The following COL4A5 variants were observed in gnomAD, a reference collection of about 807,000 sequenced individuals.
COL4A5 encodes collagen type IV alpha 5 chain.
A neutral mutation model predicts 130.2 loss-of-function variants in COL4A5; 26 were observed. That is an observed-to-expected ratio of 0.20 (90% CI 0.15 to 0.28). The LOEUF (loss-of-function observed/expected upper bound fraction) is 0.28. COL4A5 is among the 10% of genes least tolerant of loss of function. The pLI is 1.00. For synonymous variants in COL4A5, 496 were observed against 439.6 expected (o/e 1.13, Z -1.60); for missense variants, 1,131 against 1,344.3 (o/e 0.84, Z 2.48).
chrX:108,502,505 G>A (rs1383695202), intron 1 of COL4A5, among the ~76,000 whole-genome samples: 1 of 110,348 alleles, frequency 9.1e-6, no homozygotes, highest in Non-Finnish European at 1.9e-5. Context: ...GGCTATTCTC[G>A]AACTCCCGAC....
intron 36 of COL4A5, among the ~76,000 whole-genome samples, chrX:108,642,490 C>T (rs187577132): frequency 9.8e-4 from 109 of 110,899 alleles, no homozygotes; most frequent in African/African-American, 3.2e-3. Flanking sequence ...TACATTTCAC[C>T]CCCTGCCACC....
At chrX:108,563,712 A>T (rs2065929835) in intron 3 of COL4A5, among the ~76,000 whole-genome samples, 170 bp from the exon 4 acceptor site, 1 of 111,541 alleles carries the variant, frequency 9.0e-6, no homozygotes, top group Non-Finnish European at 1.9e-5. Context: ...CATACAATTT[A>T]CCTCAGTGCT....
intron 40 of COL4A5, 118 bp downstream of exon 40, chrX:108,667,301 A>G (rs1166571940): frequency 3.1e-6 from 2 of 646,300 alleles, no homozygotes; most frequent in Non-Finnish European, 4.9e-6. Flanking sequence ...AACCCAGAAA[A>G]CTCAAACCTA....
chrX:108,542,420 C>T (rs889262956), intron 2 of COL4A5, among the ~76,000 whole-genome samples: 5 of 110,823 alleles, frequency 4.5e-5, no homozygotes, highest in Non-Finnish European at 9.4e-5. Context: ...ATCCATGTCC[C>T]TACAAAGGAC....
At chrX:108,623,623 C>G (rs1484620788) in intron 33 of COL4A5, among the ~76,000 whole-genome samples, 2 of 111,481 alleles carry the variant, frequency 1.8e-5, no homozygotes, top group Admixed American at 9.5e-5. Flanking sequence ...AAGTTTGTGG[C>G]TCTTTGTACG....
At chrX:108,670,022 T>C (rs2068167743) in intron 41 of COL4A5, 4 of 412,651 alleles carry the variant, frequency 9.7e-6, no homozygotes, top group South Asian at 8.6e-5. Flanking sequence ...GTTTTCATTT[T>C]AGTTTTGTCA....
At position 108,517,702 on chromosome X, in the gene COL4A5, A is replaced by G. The variant is rs1304524677; in HGVS notation, c.82-22044A>G. 2.7e-5 allele frequency among the ~76,000 whole-genome samples: 3 copies of G among 111,896 alleles called. No individual in the cohort carries two copies. The East Asian group carries it at 8.3e-4, about 31-fold the overall frequency. ...GTTTATTTTCCAATTTAGATGATTA[A>G]CAGATACAAATAGTTATTTCCTTCA... On this transcript the variant is annotated intron_variant, in intron 1 of 52. Transcript: ENST00000328300.
chrX:108,542,946 G>C (rs1401497013), intron 2 of COL4A5, among the ~76,000 whole-genome samples: 4 of 108,698 alleles, frequency 3.7e-5, no homozygotes, highest in African/African-American at 6.8e-5. Context: ...CCCACTTTTT[G>C]ATGGGGTTGT....
In COL4A5 at chrX:108,624,163, G is replaced by T. The variant is rs1019419978; in HGVS notation, c.2918-73G>T. The T allele has an allele frequency of 6.1e-6, 5 of 825,453 alleles. No individual in the cohort carries two copies. The African/African-American group carries it at 1.0e-4, about 16-fold the overall frequency. The allele number at this position is 825,453 out of a possible 1,213,427, so 68.0% of individuals were successfully genotyped here. A position where few individuals can be genotyped will look rare whatever the true frequency, so the allele number is the denominator to read the frequency against. ...TCACTTATAGTTTAACACTTGAGTA[G>T]CTTGCTTTGCCAAAGTTATTTCATG... On this transcript the variant is annotated intron_variant, in intron 33 of 52. Coordinates refer to ENST00000328300, the MANE Select transcript of COL4A5 (RefSeq NM_033380.3).
At position 108,618,521 on chromosome X, in the gene COL4A5, A is replaced by G. The variant is rs1314456515; in HGVS notation, c.2510-1738A>G. 7.1e-5 allele frequency among the ~76,000 whole-genome samples: 8 copies of G among 111,972 alleles called. No individual in the cohort carries two copies. The South Asian group carries it at 3.0e-3, about 41-fold the overall frequency. On this transcript the variant is annotated intron_variant, in intron 30 of 52. Transcript: ENST00000328300. Reference sequence around the variant, plus strand: ...AAAAGCTGACCTTTACCAAAAGGTAATACTTTTGTGAATGTAAATATTTTA... The same window carrying G: ...AAAAGCTGACCTTTACCAAAAGGTAGTACTTTTGTGAATGTAAATATTTTA...
chrX:108,527,092 C>T lies in COL4A5; in HGVS notation c.82-12654C>T, dbSNP rs189699734. Among the ~76,000 whole-genome samples, 149 of 110,455 alleles carry T rather than the reference C, an allele frequency of 1.3e-3. 1 individual carries two copies. The highest frequency in any genetic ancestry group is 4.8e-3 in the African/African-American group (147 of 30,366). ...GCTGGCATTGACTTTTTGAAGAGTC[C>T]GTGCTAGTTGTTTTTTATAATGTAC... On this transcript the variant is annotated intron_variant, in intron 1 of 52. Transcript: ENST00000328300.
At chrX:108,493,247 G>T (rs1177921828) in intron 1 of COL4A5, among the ~76,000 whole-genome samples, 3 of 111,655 alleles carry the variant, frequency 2.7e-5, no homozygotes, top group African/African-American at 9.7e-5. Flanking sequence ...CTGTTTTAGA[G>T]ATTTCATTCA....
intron 30 of COL4A5, among the ~76,000 whole-genome samples, chrX:108,615,857 A>G (rs1012934718): frequency 2.7e-5 from 3 of 112,373 alleles, no homozygotes; most frequent in African/African-American, 9.7e-5. Context: ...AGGCTTAAAC[A>G]CAGAGTTCAG....
At chrX:108,606,186 A>G (rs1206542781) in intron 28 of COL4A5, among the ~76,000 whole-genome samples, 1 of 112,075 alleles carries the variant, frequency 8.9e-6, no homozygotes, top group African/African-American at 3.2e-5. Flanking sequence ...TGAAAATAAA[A>G]GTAAAATGAA....
chrX:108,675,957 A>G (rs1042139255), intron 43 of COL4A5, among the ~76,000 whole-genome samples: 1 of 111,589 alleles, frequency 9.0e-6, no homozygotes, highest in Non-Finnish European at 1.9e-5. Flanking sequence ...AGCCAAGGAG[A>G]TTAATAATCT....
chrX:108,486,092 G>A (rs1270009312), intron 1 of COL4A5, among the ~76,000 whole-genome samples: 5 of 111,342 alleles, frequency 4.5e-5, no homozygotes, highest in Non-Finnish European at 9.4e-5. Flanking sequence ...TGACAGGGCA[G>A]CATTGAATTC....
At chrX:108,686,150 T>A (rs373793270) in intron 48 of COL4A5, 21 bp downstream of exon 48, 3 of 1,160,136 alleles carry the variant, frequency 2.6e-6, no homozygotes, top group Non-Finnish European at 3.5e-6. Flanking sequence ...TAAAACATGC[T>A]GTTGGTGGAG....
Position 108,646,695 on chromosome X carries a change from A to G in COL4A5, c.3247-8636A>G, listed in dbSNP as rs188830392. Among the ~76,000 whole-genome samples, 7 of 112,020 alleles carry G rather than the reference A, an allele frequency of 6.2e-5. No homozygotes were observed. The Admixed American group carries it at 6.6e-4, about 11-fold the overall frequency. Reference sequence around the variant, plus strand: ...AACAGTATTGCCTAGGTTTTCTTCTAGGGTTTTTATGGTTTTACGTCTAAC... The same window carrying G: ...AACAGTATTGCCTAGGTTTTCTTCTGGGGTTTTTATGGTTTTACGTCTAAC... On this transcript the variant is annotated intron_variant, in intron 36 of 52. Coordinates refer to ENST00000328300, the MANE Select transcript of COL4A5 (RefSeq NM_033380.3).
intron 1 of COL4A5, among the ~76,000 whole-genome samples, chrX:108,530,159 A>G (rs1251392265): frequency 3.6e-5 from 4 of 111,689 alleles, no homozygotes; most frequent in Non-Finnish European, 7.5e-5. Flanking sequence ...AGGTCACAAT[A>G]TAAGTCTCAA....
Sources: allele counts gnomAD v4.1 joint callset (sites outside exome capture counted in the v4.1 genomes callset), GRCh38; gene constraint gnomAD v4.1.1; transcripts MANE v1.5; gene names NCBI Gene and HGNC (gene_info 2026-07-23, HGNC 2026-07-21).